BTG4: variants seen among roughly 807,000 people sequenced by gnomAD.
BTG4 encodes the protein protein BTG4.
BTG4 carries 10 observed loss-of-function variants against 19.3 expected under a neutral mutation model. The ratio of observed to expected loss-of-function variants is 0.52; its 90% confidence interval spans 0.32 to 0.88. The LOEUF is 0.88. BTG4 is among the 40% of genes least tolerant of loss of function. The probability of loss-of-function intolerance (pLI) is 0.04; values close to 1 mark genes in which losing one functional copy is unlikely to be tolerated. For synonymous variants in BTG4, 91 were observed against 95.7 expected (o/e 0.95, Z 0.29); for missense variants, 238 against 281.9 (o/e 0.84, Z 1.11).
At chr11:111,506,566 C>T (rs1182919680) in intron 1 of BTG4, among the ~76,000 whole-genome samples, 1 of 151,992 alleles carries the variant, frequency 6.6e-6, no homozygotes, top group Non-Finnish European at 1.5e-5. Context: ...CAACACGCAA[C>T]ATTATGCATG....
At chr11:111,467,179 CTA>C (rs1342980089), downstream of BTG4, among the ~76,000 whole-genome samples, 2 of 152,106 alleles carry the variant, frequency 1.3e-5, no homozygotes, top group East Asian at 3.8e-4. Context: ...TCAAAAAACC[CTA>C]TGAGACAGAT....
At chr11:111,495,483 T>A (rs369018494) in intron 4 of BTG4, among the ~76,000 whole-genome samples, 169 bp from the exon 5 acceptor site, 30 of 152,304 alleles carry the variant, frequency 2.0e-4, no homozygotes, top group African/African-American at 7.0e-4. Flanking sequence ...GGAACATAAA[T>A]CACTTTATAC....
the BTG4 span, among the ~76,000 whole-genome samples, chr11:111,405,703 A>G: frequency 6.6e-6 from 1 of 152,200 alleles, no homozygotes; most frequent in South Asian, 2.1e-4. Context: ...CATTCTTCAT[A>G]AAGAGGAAGT....
intron 5 of BTG4, among the ~76,000 whole-genome samples, chr11:111,471,791 AC>A (rs758024704): frequency 6.6e-5 from 10 of 152,180 alleles, no homozygotes. Context: ...TTCAAACTCA[AC>A]ATGTCCAAAA....
the BTG4 span, chr11:111,457,436 T>A: frequency 6.5e-6 from 1 of 153,196 alleles, no homozygotes; most frequent in Admixed American, 6.5e-5. Flanking sequence ...TCCCTCGCCC[T>A]CCTCCATGCC....
chr11:111,389,362 G>A, the BTG4 span, among the ~76,000 whole-genome samples: 1 of 152,134 alleles, frequency 6.6e-6, no homozygotes. Context: ...ACACCTTGAA[G>A]GTCCAAAAGA....
chr11:111,462,217 C>G, the BTG4 span: 3 of 152,444 alleles, frequency 2.0e-5, no homozygotes, highest in South Asian at 6.2e-4. Context: ...AGTATCTAAG[C>G]AGGACAGAGG....
chr11:111,387,797 T>C, the BTG4 span, among the ~76,000 whole-genome samples: 1 of 152,214 alleles, frequency 6.6e-6, no homozygotes, highest in Non-Finnish European at 1.5e-5. Context: ...GTCATGGAGC[T>C]TGGGGGAAAA....
At chr11:111,480,673 A>G (rs544972685) in intron 5 of BTG4, among the ~76,000 whole-genome samples, 1 of 152,126 alleles carries the variant, frequency 6.6e-6, no homozygotes, top group East Asian at 1.9e-4. Flanking sequence ...CCAAACACTT[A>G]GAAACTAAAC....
intron 5 of BTG4, among the ~76,000 whole-genome samples, chr11:111,475,956 T>A (rs2135550936): frequency 6.6e-6 from 1 of 152,154 alleles, no homozygotes; most frequent in East Asian, 1.9e-4. Flanking sequence ...TCAGATCTTG[T>A]GAGACTTATT....
intron 5 of BTG4, among the ~76,000 whole-genome samples, chr11:111,483,093 G>T (rs1160102951): frequency 6.6e-6 from 1 of 152,094 alleles, no homozygotes; most frequent in Non-Finnish European, 1.5e-5. Flanking sequence ...ACCTTCGCAA[G>T]AACCAAAATA....
chr11:111,447,834 C>G, the BTG4 span, among the ~76,000 whole-genome samples: 3 of 152,126 alleles, frequency 2.0e-5, no homozygotes, highest in African/African-American at 7.2e-5. Flanking sequence ...CAGAGGCTGC[C>G]CTTCCTGGGC....
intron 5 of BTG4, among the ~76,000 whole-genome samples, chr11:111,479,646 A>G (rs1410313724): frequency 6.6e-6 from 1 of 152,134 alleles, no homozygotes; most frequent in Non-Finnish European, 1.5e-5. Context: ...TGAAGTGAAA[A>G]CTATAACATG....
At chr11:111,513,498 C>T (rs886120164), upstream of BTG4, 12 of 531,102 alleles carry the variant, frequency 2.3e-5, no homozygotes, top group Admixed American at 9.7e-5. Flanking sequence ...ACTAACCACA[C>T]GGCCAGGTAA....
chr11:111,508,397 G>T (rs188315010), intron 1 of BTG4, among the ~76,000 whole-genome samples: 1 of 150,504 alleles, frequency 6.6e-6, no homozygotes, highest in Admixed American at 6.6e-5. Context: ...TCACAGAAAC[G>T]TATGAGCAGG....
the BTG4 span, among the ~76,000 whole-genome samples, chr11:111,461,166 T>C: frequency 3.9e-5 from 6 of 152,182 alleles, no homozygotes; most frequent in Non-Finnish European, 4.4e-5. Context: ...AGGGCCCCCA[T>C]ACATTCTCAG....
chr11:111,445,550 TTAAG>T, the BTG4 span, among the ~76,000 whole-genome samples: 1 of 152,206 alleles, frequency 6.6e-6, no homozygotes, highest in Non-Finnish European at 1.5e-5. Context: ...AAGAGGTTCA[TTAAG>T]TATTTTGCCA....
chr11:111,502,527 TA>T (rs1866159816), intron 1 of BTG4, among the ~76,000 whole-genome samples: 1 of 152,218 alleles, frequency 6.6e-6, no homozygotes, highest in East Asian at 1.9e-4. Flanking sequence ...TTGCAAAGAT[TA>T]TTTTTTAAAA....
the BTG4 span, chr11:111,456,920 C>T: frequency 5.9e-6 from 1 of 170,184 alleles, no homozygotes; most frequent in South Asian, 1.6e-4. This position sits in a 1 kb window ranked among gnomAD's most constrained non-coding sequence, Gnocchi z 4.2. Flanking sequence ...CCCTCCTCAT[C>T]TTGACATTCT....
Sources: allele counts gnomAD v4.1 joint callset (sites outside exome capture counted in the v4.1 genomes callset), GRCh38; gene constraint gnomAD v4.1.1; non-coding constraint Gnocchi (gnomAD v3.1); transcripts MANE v1.5; gene names NCBI Gene and HGNC (gene_info 2026-07-23, HGNC 2026-07-21).